Variants in CRNKL1 observed in about 807,000 individuals in gnomAD.
CRNKL1 encodes crooked neck-like protein 1.
A neutral mutation model predicts 103.7 loss-of-function variants in CRNKL1; 35 were observed. The observed-to-expected ratio is 0.34, with a 90% CI of 0.26 to 0.45. CRNKL1 has a LOEUF of 0.45. Ranked by LOEUF, CRNKL1 falls within the 20% of genes least tolerant of loss-of-function variation. The pLI is 1.00. For synonymous variants in CRNKL1, 267 were observed against 282.6 expected (o/e 0.94, Z 0.55); for missense variants, 645 against 836.0 (o/e 0.77, Z 2.82).
intron 8 of CRNKL1, among the ~76,000 whole-genome samples, chr20:20,041,956 A>G (rs1011853719): frequency 6.6e-6 from 1 of 152,220 alleles, no homozygotes; most frequent in African/African-American, 2.4e-5. Flanking sequence ...ATGCCACTTG[A>G]TTTTTGCTAA....
chr20:20,047,686 G>A (rs976052754), intron 5 of CRNKL1, 79 bp downstream of exon 5: 4 of 1,439,830 alleles, frequency 2.8e-6, no homozygotes, highest in Non-Finnish European at 3.8e-6. Context: ...TGTGTGTCCT[G>A]ATCATGAGAC....
intron 4 of CRNKL1, 105 bp from the exon 5 acceptor site, chr20:20,048,036 G>T: frequency 7.5e-7 from 1 of 1,328,976 alleles, no homozygotes; most frequent in Non-Finnish European, 1.0e-6. Flanking sequence ...AATCAAACAT[G>T]TTTTGTCATT....
At chr20:20,043,105 G>A (rs1036784116) in intron 7 of CRNKL1, among the ~76,000 whole-genome samples, 1 of 152,174 alleles carries the variant, frequency 6.6e-6, no homozygotes, top group African/African-American at 2.4e-5. Context: ...ACCCTGTCTA[G>A]CATACATCTT....
chr20:20,052,520 T>A (rs569431052), upstream of CRNKL1: 7 of 1,614,222 alleles, frequency 4.3e-6, no homozygotes, highest in Admixed American at 1.2e-4. Context: ...CGGCACCGTT[T>A]CCATGGTGAC....
chr20:20,038,579 C>T, intron 11 of CRNKL1, 129 bp from the exon 12 acceptor site: 1 of 595,230 alleles, frequency 1.7e-6, no homozygotes, highest in Middle Eastern at 4.1e-4. Flanking sequence ...AACTAAAGAA[C>T]ACATGTGGAT....
Position 20,041,553 on chromosome 20 carries a change from A to C in CRNKL1, c.1224+13T>G, listed in dbSNP as rs748906811. ...TGACCTGTTTGAAATGGAACACTTT[A>C]GAGCAAACATACCTTTTTGTGAGGA... On this transcript the variant is annotated intron_variant, in intron 9 of 13. Coordinates refer to ENST00000536226, the MANE Select transcript of CRNKL1 (RefSeq NM_001278628.2). The C allele has an allele frequency of 1.2e-6, 2 of 1,603,282 alleles. No individual in the cohort carries two copies. Among genetic ancestry groups the C allele is most frequent in the Admixed American group, 3.3e-5 (2 of 60,008 alleles).
Position 20,049,451 on chromosome 20 carries a change from G to A in CRNKL1, c.205-20C>T, listed in dbSNP as rs1454995496. 7.4e-7 allele frequency: 1 copy of A among 1,360,036 alleles called. No homozygotes were observed. The allele number at this position is 1,360,036 out of a possible 1,614,324, so 84.2% of individuals were successfully genotyped here. A position where few individuals can be genotyped will look rare whatever the true frequency, so the allele number is the denominator to read the frequency against. The stretch of plus-strand genomic sequence containing the variant: ...AAAAGTCTGGAAGAAGGCAAAAAGG[G>A]TCAAGTCAAAAGACAAATGACTAAA... On this transcript the variant is annotated intron_variant, in intron 2 of 13. Transcript: ENST00000536226.
chr20:20,043,317 C>T (rs2043544665), intron 7 of CRNKL1, among the ~76,000 whole-genome samples, 175 bp downstream of exon 7: 1 of 152,214 alleles, frequency 6.6e-6, no homozygotes, highest in Non-Finnish European at 1.5e-5. Context: ...CTTGCCTTTT[C>T]TATCAGCCTT....
Position 20,035,135 on chromosome 20 carries a change from A to G in CRNKL1, c.*1060T>C, listed in dbSNP as rs1200546887. 1.3e-5 allele frequency: 2 copies of G among 152,216 alleles called. No homozygotes were observed. Among genetic ancestry groups the G allele is most frequent in the Non-Finnish European group, 2.9e-5 (2 of 68,040 alleles). 9.4% of individuals were successfully genotyped at this position (152,216 alleles called of 1,614,324 possible). A position where few individuals can be genotyped will look rare whatever the true frequency, so the allele number is the denominator to read the frequency against. On this transcript the variant is annotated 3_prime_UTR_variant, in exon 14 of 14. Coordinates refer to ENST00000536226, the MANE Select transcript of CRNKL1 (RefSeq NM_001278628.2). The stretch of plus-strand genomic sequence containing the variant: ...CTTAGGTGTTTCTACACATGCTCTA[A>G]ACCAAGAGTAAGTTTAACATGTCAG...
upstream of CRNKL1, chr20:20,052,526 G>A (rs1484362853): frequency 6.2e-7 from 1 of 1,614,120 alleles, no homozygotes; most frequent in Non-Finnish European, 8.5e-7. Flanking sequence ...CGTTTCCATG[G>A]TGACCAGGCT....
rs371786879 is a variant in CRNKL1, at chr20:20,047,797, T to G, written c.590A>C (p.Glu197Ala). Residue 197 changes from glutamate to alanine, a missense_variant, in exon 5 of 14, where the codon GAG becomes GCG. Physicochemically the swap from Glu to Ala is moderately radical, Grantham distance 107 (BLOSUM62 -1). This residue lies in a region of CRNKL1 where 582 missense variants were observed against 707.7 expected (regional missense o/e 0.82). Transcript: ENST00000536226. ...ATAAATGGTGCGGGCCCGATCCACCTCTTTGTATCTCAGCTCAAAGTTGAT... is the reference window on the plus strand; with the variant it reads ...ATAAATGGTGCGGGCCCGATCCACCGCTTTGTATCTCAGCTCAAAGTTGAT... ...SYINFELRYK[E>A]VDRARTIYER... The G allele has an allele frequency of 1.9e-6, 3 of 1,614,134 alleles. No individual in the cohort carries two copies. Among genetic ancestry groups the G allele is most frequent in the African/African-American group, 2.7e-5 (2 of 74,946 alleles).
chr20:20,050,402 A>G, intron 2 of CRNKL1, 68 bp downstream of exon 2: 1 of 1,414,242 alleles, frequency 7.1e-7, no homozygotes, highest in Non-Finnish European at 9.7e-7. Context: ...CCAACCAATG[A>G]GGAGCTTTTC....
Position 20,049,342 on chromosome 20 carries a change from T to C in CRNKL1, c.294A>G (p.Gln98=), listed in dbSNP as rs373743075. Residue 98 remains glutamine, a splice_region_variant and synonymous_variant, in exon 3 of 14, where the codon CAA becomes CAG. Coordinates refer to ENST00000536226, the MANE Select transcript of CRNKL1 (RefSeq NM_001278628.2). The stretch of plus-strand genomic sequence containing the variant: ...AACTACACTCTCAGTAATTTTACCT[T>C]TGAATCTCCTTTAGGCTTTCTTCCC... ...AQWEESLKEI[Q]RARSIYERAL... 39 of 1,528,438 alleles carry C rather than the reference T, an allele frequency of 2.6e-5. No homozygotes were observed. The highest frequency in any genetic ancestry group is 3.2e-5 in the Non-Finnish European group (36 of 1,109,314). 94.7% of individuals were successfully genotyped at this position (1,528,438 alleles called of 1,614,324 possible).
At chr20:20,046,005 T>C (rs948053496) in intron 5 of CRNKL1, among the ~76,000 whole-genome samples, 2 of 151,992 alleles carry the variant, frequency 1.3e-5, no homozygotes, top group Non-Finnish European at 2.9e-5. Flanking sequence ...AACTAATAAT[T>C]AAGAAAAAAA....
chr20:20,038,109 T>G (rs566227612), intron 12 of CRNKL1, among the ~76,000 whole-genome samples: 4 of 151,648 alleles, frequency 2.6e-5, no homozygotes, highest in African/African-American at 4.8e-5. Flanking sequence ...ATAGTTTAAC[T>G]TTTTTTCAAT....
At chr20:20,037,043 C>A (rs1299456020) in intron 13 of CRNKL1, among the ~76,000 whole-genome samples, 1 of 152,208 alleles carries the variant, frequency 6.6e-6, no homozygotes, top group Non-Finnish European at 1.5e-5. Flanking sequence ...TCCACACTTA[C>A]TTCCTATTAA....
intron 4 of CRNKL1, 141 bp downstream of exon 4, chr20:20,048,202 G>C: frequency 9.9e-7 from 1 of 1,006,170 alleles, no homozygotes; most frequent in Non-Finnish European, 1.4e-6. Flanking sequence ...TGACTTAATA[G>C]ACTATGGGAC....
intron 6 of CRNKL1, among the ~76,000 whole-genome samples, chr20:20,044,495 T>C (rs962851878): frequency 1.8e-4 from 28 of 152,352 alleles, no homozygotes; most frequent in African/African-American, 6.7e-4. Context: ...GTCTGAAATG[T>C]TCCAATGAAC....
At chr20:20,041,424 A>G (rs2043512095) in intron 9 of CRNKL1, 142 bp downstream of exon 9, 1 of 670,696 alleles carries the variant, frequency 1.5e-6, no homozygotes, top group African/African-American at 1.8e-5. Context: ...AGAGGCAAGG[A>G]GCATATCTCA....
Sources: gnomAD v4.1 joint callset for allele counts (sites outside exome capture counted in the v4.1 genomes callset) on GRCh38, gnomAD v4.1.1 for gene constraint, gnomAD v4.1.1 regional missense constraint, MANE v1.5 for transcripts, NCBI Gene and HGNC (gene_info 2026-07-23, HGNC 2026-07-21) for gene names.